The following TMX3 variants were observed in gnomAD, a reference collection of about 807,000 sequenced individuals.
TMX3 encodes thioredoxin related transmembrane protein 3, also known as protein disulfide-isomerase TMX3.
In TMX3, 40 loss-of-function variants were observed where a neutral mutation model predicts 64.4. The ratio of observed to expected loss-of-function variants is 0.62; its 90% confidence interval spans 0.48 to 0.81. The LOEUF is 0.81. Ranked by LOEUF, TMX3 falls within the 30% of genes least tolerant of loss-of-function variation. The pLI is 0.00. For missense variants in TMX3, 497 were observed against 534.5 expected (o/e 0.93, Z 0.69); for synonymous variants, 189 against 175.7 (o/e 1.08, Z -0.60).
In TMX3 at chr18:68,691,172, AAGTCAT is replaced by A. The variant is rs1386438568; in HGVS notation, c.637+117_637+122del. ...AAAAAACCCAAAACATCAGGCATTCAAGTCATGAGAACTGTTATTCTCATTGAACAG... is the reference window on the plus strand; with the variant it reads ...AAAAAACCCAAAACATCAGGCATTCAGAGAACTGTTATTCTCATTGAACAG... On this transcript the variant is annotated intron_variant, in intron 9 of 15. Transcript: ENST00000299608. 21 of 543,270 alleles carry A rather than the reference AAGTCAT, an allele frequency of 3.9e-5. No individual in the cohort carries two copies. The African/African-American group carries it at 3.9e-4, about 10-fold the overall frequency. The allele number at this position is 543,270 out of a possible 1,614,324, so 33.7% of individuals were successfully genotyped here. A position where few individuals can be genotyped will look rare whatever the true frequency, so the allele number is the denominator to read the frequency against.
chr18:68,711,265 G>T, intron 3 of TMX3, 99 bp downstream of exon 3: 2 of 732,164 alleles, frequency 2.7e-6, no homozygotes, highest in Non-Finnish European at 4.4e-6. Context: ...ATATACATAA[G>T]CACTAGCTGT....
At chr18:68,701,471 A>T in intron 5 of TMX3, 1 of 473,370 alleles carries the variant, frequency 2.1e-6, no homozygotes, top group Non-Finnish European at 3.6e-6. Flanking sequence ...AGGGTAAAAG[A>T]CCTTTCATAA....
intron 13 of TMX3, among the ~76,000 whole-genome samples, chr18:68,682,440 C>T (rs1217189093): frequency 2.0e-5 from 3 of 152,012 alleles, no homozygotes; most frequent in African/African-American, 7.2e-5. Context: ...TAGAACAATT[C>T]GTTTTTGAAT....
intron 4 of TMX3, 61 bp downstream of exon 4, chr18:68,709,960 T>G: frequency 6.7e-7 from 1 of 1,482,250 alleles, no homozygotes; most frequent in African/African-American, 1.4e-5. Flanking sequence ...CCCTGAATAC[T>G]GTTGCATATA....
chr18:68,712,886 C>T (rs572337892), intron 2 of TMX3, among the ~76,000 whole-genome samples: 60 of 152,102 alleles, frequency 3.9e-4, no homozygotes, highest in Non-Finnish European at 7.2e-4. Context: ...CACCCTCTCA[C>T]TGCACCCATT....
At chr18:68,687,609 T>G in intron 10 of TMX3, 58 bp downstream of exon 10, 1 of 1,547,446 alleles carries the variant, frequency 6.5e-7, no homozygotes, top group Non-Finnish European at 8.7e-7. Context: ...AATAAGATTT[T>G]TAAATAATCA....
chr18:68,698,966 G>A (rs1261979106), intron 6 of TMX3, among the ~76,000 whole-genome samples: 2 of 151,234 alleles, frequency 1.3e-5, no homozygotes, highest in Admixed American at 6.6e-5. Context: ...AGCTTGCAGT[G>A]AGCCGAGACA....
At chr18:68,695,024 T>C (rs1914920460) in intron 8 of TMX3, among the ~76,000 whole-genome samples, 1 of 152,144 alleles carries the variant, frequency 6.6e-6, no homozygotes, top group South Asian at 2.1e-4. Flanking sequence ...CCTGAATTAC[T>C]GCCAAATTCC....
At position 68,687,607 on chromosome 18, in the gene TMX3, T is replaced by A. The variant is rs550267077; in HGVS notation, c.736+60A>T. 60 of 1,546,562 alleles carry A rather than the reference T, an allele frequency of 3.9e-5. 1 individual carries two copies. The South Asian group carries it at 7.1e-4, about 18-fold the overall frequency. ...AAATTCATTTCCTACAAAATAAGATTTTTAAATAATCAAAGAAAAATCATG... is the reference window on the plus strand; with the variant it reads ...AAATTCATTTCCTACAAAATAAGATATTTAAATAATCAAAGAAAAATCATG... On this transcript the variant is annotated intron_variant, in intron 10 of 15. Transcript: ENST00000299608.
intron 14 of TMX3, among the ~76,000 whole-genome samples, chr18:68,680,101 T>C (rs1240235245): frequency 6.6e-6 from 1 of 151,968 alleles, no homozygotes; most frequent in Non-Finnish European, 1.5e-5. Context: ...TAGGTGAGAG[T>C]TTCATTTCAA....
intron 4 of TMX3, among the ~76,000 whole-genome samples, chr18:68,704,464 C>A (rs1568200034): frequency 6.6e-6 from 1 of 151,696 alleles, no homozygotes; most frequent in African/African-American, 2.4e-5. Context: ...TTCGGTAACT[C>A]TTTTGAGAGC....
intron 10 of TMX3, 50 bp downstream of exon 10, chr18:68,687,617 T>A (rs747596115): frequency 3.9e-6 from 6 of 1,552,460 alleles, no homozygotes; most frequent in Non-Finnish European, 4.3e-6. Flanking sequence ...TTTTAAATAA[T>A]CAAAGAAAAA....
intron 15 of TMX3, among the ~76,000 whole-genome samples, chr18:68,679,170 C>T (rs1404988805): frequency 6.6e-6 from 1 of 152,000 alleles, no homozygotes; most frequent in Non-Finnish European, 1.5e-5. Context: ...TTCAACAAAT[C>T]ATAGAAATTA....
chr18:68,677,211 A>G lies in TMX3; in HGVS notation c.1105-18T>C. ...AATATAGACTGTGGAAAGAGAATTA[A>G]AACTCAGTTCCCTTCACATGTAATT... On this transcript the variant is annotated intron_variant, in intron 15 of 15. Coordinates refer to ENST00000299608, the MANE Select transcript of TMX3 (RefSeq NM_019022.5). 1 of 1,606,626 alleles carries G rather than the reference A, an allele frequency of 6.2e-7. No homozygotes were observed. The highest frequency in any genetic ancestry group is 8.5e-7 in the Non-Finnish European group (1 of 1,176,570).
chr18:68,692,787 AT>A (rs1218992223), intron 8 of TMX3, among the ~76,000 whole-genome samples: 4 of 152,270 alleles, frequency 2.6e-5, no homozygotes, highest in Admixed American at 6.5e-5. Flanking sequence ...AATTAAAAAA[AT>A]AATAGAAGTA....
intron 8 of TMX3, among the ~76,000 whole-genome samples, chr18:68,692,203 T>C (rs980060262): frequency 2.6e-5 from 4 of 152,192 alleles, no homozygotes; most frequent in African/African-American, 4.8e-5. Flanking sequence ...TAATCAAGCA[T>C]GCTCCATTCA....
intron 10 of TMX3, chr18:68,687,462 C>T (rs964104098): frequency 1.0e-6 from 1 of 985,202 alleles, no homozygotes; most frequent in African/African-American, 1.7e-5. Flanking sequence ...TATTAGTAAA[C>T]CATCTCTTTA....
chr18:68,686,520 C>T (rs1295023597), intron 10 of TMX3, among the ~76,000 whole-genome samples: 1 of 152,034 alleles, frequency 6.6e-6, no homozygotes, highest in African/African-American at 2.4e-5. Flanking sequence ...CCCATCCTGG[C>T]CAACATGGTG....
At position 68,691,275 on chromosome 18, in the gene TMX3, G is replaced by A. The variant is rs553274614; in HGVS notation, c.637+20C>T. ...TTTAATTTTAAAATGTTTTACATGA[G>A]TTAAAGATTTGGAACTTACCATCAT... On this transcript the variant is annotated intron_variant, in intron 9 of 15. Coordinates refer to ENST00000299608, the MANE Select transcript of TMX3 (RefSeq NM_019022.5). The A allele has an allele frequency of 1.1e-4, 162 of 1,529,872 alleles. 2 individuals are homozygous for A. The East Asian group carries it at 3.3e-3, about 31-fold the overall frequency. The allele number at this position is 1,529,872 out of a possible 1,614,324, so 94.8% of individuals were successfully genotyped here.
Sources: allele counts gnomAD v4.1 joint callset (sites outside exome capture counted in the v4.1 genomes callset), GRCh38; gene constraint gnomAD v4.1.1; transcripts MANE v1.5; gene names NCBI Gene and HGNC (gene_info 2026-07-23, HGNC 2026-07-21).